The following TMEM132D variants were observed in gnomAD, a reference collection of about 807,000 sequenced individuals.
TMEM132D encodes the protein mature OL transmembrane protein.
In TMEM132D, 21 loss-of-function variants were observed where a neutral mutation model predicts 62.3. The observed-to-expected ratio is 0.34, with a 90% CI of 0.24 to 0.49. The LOEUF (loss-of-function observed/expected upper bound fraction) is 0.49, where lower values mean the gene tolerates loss of function less well. TMEM132D is among the 20% of genes least tolerant of loss of function. The probability of loss-of-function intolerance (pLI) is 0.99; values close to 1 mark genes in which losing one functional copy is unlikely to be tolerated. For missense variants in TMEM132D, 1,346 were observed against 1,402.8 expected, an observed-to-expected ratio of 0.96 and a Z score of 0.65; for synonymous variants, 621 against 575.6, an observed-to-expected ratio of 1.08 and a Z score of -1.13.
At chr12:129,335,428 G>A (rs116073888) in intron 4 of TMEM132D, among the ~76,000 whole-genome samples, 2,632 of 152,098 alleles carry the variant, frequency 0.017, 70 homozygotes, top group African/African-American at 0.06. Context: ...ATGAGCCACC[G>A]CACCTAGTCT....
At chr12:129,156,357 G>T (rs1449233328) in intron 5 of TMEM132D, among the ~76,000 whole-genome samples, 1 of 151,556 alleles carries the variant, frequency 6.6e-6, no homozygotes, top group Non-Finnish European at 1.5e-5. Context: ...TCACTCCCAA[G>T]ATAAATAACC....
chr12:129,517,890 A>G (rs1875729298), intron 3 of TMEM132D, among the ~76,000 whole-genome samples: 1 of 152,206 alleles, frequency 6.6e-6, no homozygotes, highest in African/African-American at 2.4e-5. Context: ...TTCTAATACC[A>G]TCCACTGCCT....
chr12:129,165,672 C>T (rs760824711), intron 5 of TMEM132D, among the ~76,000 whole-genome samples: 25 of 136,582 alleles, frequency 1.8e-4, no homozygotes, highest in Non-Finnish European at 3.9e-4. Flanking sequence ...CAGTGTCAAA[C>T]ATTTCTTCTT....
intron 1 of TMEM132D, among the ~76,000 whole-genome samples, chr12:129,745,668 G>A (rs552591139): frequency 6.6e-6 from 1 of 152,324 alleles, no homozygotes; most frequent in Admixed American, 6.5e-5. Flanking sequence ...GGACTGTCTA[G>A]AGTCAGTTAC....
At chr12:129,825,089 C>T (rs571076707) in intron 1 of TMEM132D, among the ~76,000 whole-genome samples, 1 of 151,432 alleles carries the variant, frequency 6.6e-6, no homozygotes, top group South Asian at 2.1e-4. Flanking sequence ...TCTCAGCTCA[C>T]TGCAACCTCC....
chr12:129,337,889 C>T (rs1195869570), intron 3 of TMEM132D, 72 bp from the exon 4 acceptor site: 34 of 1,481,052 alleles, frequency 2.3e-5, no homozygotes, highest in Admixed American at 1.3e-4. Context: ...AGAGAGTGGG[C>T]GGCCCTTGGC....
At chr12:129,356,693 T>TAAATA (rs978856106) in intron 3 of TMEM132D, among the ~76,000 whole-genome samples, 2 of 146,584 alleles carry the variant, frequency 1.4e-5, no homozygotes, top group African/African-American at 2.5e-5. Context: ...AATAAATAAA[T>TAAATA]AAATAAAATA....
chr12:129,369,282 GACAAA>G (rs1414627779), intron 3 of TMEM132D, among the ~76,000 whole-genome samples: 1 of 152,030 alleles, frequency 6.6e-6, no homozygotes, highest in African/African-American at 2.4e-5. Context: ...GACAGAAGGT[GACAAA>G]GAGCTCACTG....
chr12:129,314,661 C>G (rs147454672), intron 4 of TMEM132D, among the ~76,000 whole-genome samples: 1,546 of 152,116 alleles, frequency 0.01, 27 homozygotes, highest in African/African-American at 0.035. Flanking sequence ...GTGAAGAATG[C>G]TGGTGGTATT....
At chr12:129,461,917 C>G (rs1873690613) in intron 3 of TMEM132D, among the ~76,000 whole-genome samples, 1 of 152,180 alleles carries the variant, frequency 6.6e-6, no homozygotes, top group Non-Finnish European at 1.5e-5. Context: ...AGGAGACATT[C>G]TAGGAATTCC....
At chr12:129,216,934 C>T (rs1236739959) in intron 4 of TMEM132D, among the ~76,000 whole-genome samples, 4 of 152,152 alleles carry the variant, frequency 2.6e-5, no homozygotes, top group African/African-American at 4.8e-5. Context: ...TAAGCCAAAA[C>T]GAGTAAGTTA....
chr12:129,374,798 G>A (rs1870735582), intron 3 of TMEM132D, among the ~76,000 whole-genome samples: 1 of 152,198 alleles, frequency 6.6e-6, no homozygotes, highest in African/African-American at 2.4e-5. Context: ...ATGTCAAGAA[G>A]CCTCAGAGAA....
At chr12:129,654,485 G>A (rs1458606222) in intron 2 of TMEM132D, among the ~76,000 whole-genome samples, 1 of 152,094 alleles carries the variant, frequency 6.6e-6, no homozygotes, top group Non-Finnish European at 1.5e-5. Flanking sequence ...AAAAGAGTAA[G>A]ATTTTCTTCC....
intron 7 of TMEM132D, 110 bp downstream of exon 7, chr12:129,081,649 A>AAAAT: frequency 6.9e-7 from 1 of 1,442,540 alleles, no homozygotes; most frequent in South Asian, 1.4e-5. Flanking sequence ...ACCCATCCTA[A>AAAAT]AAATAGATAC....
intron 5 of TMEM132D, among the ~76,000 whole-genome samples, chr12:129,092,086 A>G (rs770734281): frequency 1.3e-5 from 2 of 152,138 alleles, no homozygotes; most frequent in Non-Finnish European, 2.9e-5. Flanking sequence ...GATCTATTAA[A>G]ACTCTTGAAC....
At chr12:129,719,236 G>A (rs978423251) in intron 1 of TMEM132D, among the ~76,000 whole-genome samples, 3 of 152,094 alleles carry the variant, frequency 2.0e-5, no homozygotes, top group African/African-American at 7.2e-5. Flanking sequence ...TACAGCCTGG[G>A]TGACAGAGTG....
intron 2 of TMEM132D, among the ~76,000 whole-genome samples, chr12:129,694,041 C>A (rs1161092307): frequency 6.6e-6 from 1 of 152,180 alleles, no homozygotes; most frequent in Non-Finnish European, 1.5e-5. Context: ...GGTGTACTAT[C>A]TATACTAAAC....
intron 1 of TMEM132D, among the ~76,000 whole-genome samples, chr12:129,800,057 T>TA (rs1213327621): frequency 6.6e-6 from 1 of 152,116 alleles, no homozygotes; most frequent in African/African-American, 2.4e-5. Flanking sequence ...CATCGAATCC[T>TA]AAAAAAAGTC....
At chr12:129,541,433 G>A (rs1389113618) in intron 2 of TMEM132D, among the ~76,000 whole-genome samples, 1 of 152,144 alleles carries the variant, frequency 6.6e-6, no homozygotes, top group Non-Finnish European at 1.5e-5. Flanking sequence ...ACTCCATGCA[G>A]ACCAGGTTTT....
Sources: allele counts gnomAD v4.1 joint callset (sites outside exome capture counted in the v4.1 genomes callset), GRCh38; gene constraint gnomAD v4.1.1; transcripts MANE v1.5; gene names NCBI Gene and HGNC (gene_info 2026-07-23, HGNC 2026-07-21).